The following ENPP2 variants were observed in gnomAD, a reference collection of about 807,000 sequenced individuals.
ENPP2 encodes ectonucleotide pyrophosphatase/phosphodiesterase 2.
In ENPP2, 51 loss-of-function variants were observed where a neutral mutation model predicts 120.2. The ratio of observed to expected loss-of-function variants is 0.42; its 90% CI spans 0.34 to 0.54. The LOEUF (loss-of-function observed/expected upper bound fraction) is 0.54. ENPP2 is among the 20% of genes least tolerant of loss of function. The pLI, the probability that ENPP2 is intolerant of heterozygous loss-of-function variation, is 0.04. For synonymous variants in ENPP2, 365 were observed against 366.4 expected (o/e 1.00, Z 0.04); for missense variants, 920 against 1,066.5 (o/e 0.86, Z 1.91).
intron 19 of ENPP2, among the ~76,000 whole-genome samples, chr8:119,577,514 G>A (rs991649181): frequency 2.6e-5 from 4 of 152,230 alleles, no homozygotes; most frequent in Non-Finnish European, 4.4e-5. Flanking sequence ...CAAAGCCCAA[G>A]AGACAGCGAT....
intron 14 of ENPP2, 22 bp downstream of exon 14, chr8:119,587,022 C>T (rs777430265): frequency 8.1e-6 from 13 of 1,606,190 alleles, no homozygotes; most frequent in South Asian, 2.2e-5. Context: ...AGGGCAGAGG[C>T]GGGACAACTG....
At chr8:119,647,779 T>C (rs953688946) in intron 1 of ENPP2, among the ~76,000 whole-genome samples, 1 of 151,816 alleles carries the variant, frequency 6.6e-6, no homozygotes, top group South Asian at 2.1e-4. Flanking sequence ...CAGAGGCGGG[T>C]GGATTACCTG....
intron 8 of ENPP2, among the ~76,000 whole-genome samples, chr8:119,612,562 G>A (rs927315133): frequency 6.6e-6 from 1 of 152,160 alleles, no homozygotes; most frequent in Admixed American, 6.5e-5. Flanking sequence ...CTGGCAGAGA[G>A]CAATTCTAGG....
intron 1 of ENPP2, among the ~76,000 whole-genome samples, chr8:119,663,710 AAC>A (rs763144076): frequency 1.7e-4 from 26 of 152,144 alleles, no homozygotes; most frequent in Non-Finnish European, 3.2e-4. Flanking sequence ...AAGCCACTGA[AAC>A]ACTCTGAGAC....
At chr8:119,667,508 C>T (rs953921117) in intron 1 of ENPP2, among the ~76,000 whole-genome samples, 5 of 152,170 alleles carry the variant, frequency 3.3e-5, no homozygotes, top group African/African-American at 1.2e-4. Flanking sequence ...GACATTGTGA[C>T]CTTCTAAATC....
intron 22 of ENPP2, 35 bp from the exon 23 acceptor site, chr8:119,564,990 C>A (rs1233512986): frequency 1.9e-6 from 3 of 1,600,122 alleles, no homozygotes; most frequent in Non-Finnish European, 1.7e-6. Flanking sequence ...ATCAATTATT[C>A]ATGAAGAAAA....
At chr8:119,635,328 T>G (rs1816935880) in intron 2 of ENPP2, among the ~76,000 whole-genome samples, 2 of 152,258 alleles carry the variant, frequency 1.3e-5, no homozygotes, top group Non-Finnish European at 2.9e-5. Flanking sequence ...ACTGAGCTTT[T>G]AAGTCTCTGT....
intron 1 of ENPP2, among the ~76,000 whole-genome samples, chr8:119,643,895 T>C (rs975144577): frequency 5.9e-5 from 9 of 151,912 alleles, no homozygotes; most frequent in African/African-American, 2.2e-4. Context: ...AGTAACCAGA[T>C]TAAGAAAGGA....
chr8:119,575,634 T>C (rs1400464157), intron 19 of ENPP2, among the ~76,000 whole-genome samples: 1 of 152,206 alleles, frequency 6.6e-6, no homozygotes, highest in African/African-American at 2.4e-5. Flanking sequence ...TAATCTCAGC[T>C]CTTTATAGTT....
intron 9 of ENPP2, among the ~76,000 whole-genome samples, chr8:119,605,466 A>ATTT (rs1276076880): frequency 1.2e-4 from 8 of 65,928 alleles, no homozygotes; most frequent in African/African-American, 3.8e-4. Flanking sequence ...GTGTGTGTGT[A>ATTT]TTTTTTTTTT....
intron 3 of ENPP2, among the ~76,000 whole-genome samples, chr8:119,625,266 C>T (rs1290325035): frequency 6.6e-6 from 1 of 152,174 alleles, no homozygotes; most frequent in Non-Finnish European, 1.5e-5. Flanking sequence ...TTACAATAGT[C>T]TCAGCAATTT....
intron 8 of ENPP2, among the ~76,000 whole-genome samples, chr8:119,609,068 C>T (rs1034837683): frequency 2.0e-5 from 3 of 152,148 alleles, no homozygotes; most frequent in Non-Finnish European, 4.4e-5. Flanking sequence ...GTAGCCAGCC[C>T]CTTTTCTGGT....
At chr8:119,590,995 TAAAA>T (rs58061193) in intron 12 of ENPP2, among the ~76,000 whole-genome samples, 3 of 109,962 alleles carry the variant, frequency 2.7e-5, no homozygotes, top group African/African-American at 1.1e-4. Flanking sequence ...ATCTATTCTT[TAAAA>T]AAAAAAAAAA....
chr8:119,673,359 G>T, exon 1 of ENPP2: 1 of 1,478,226 alleles, frequency 6.8e-7, no homozygotes, highest in Non-Finnish European at 9.1e-7. Context: ...CTGTGCTCGG[G>T]ACGGCTGCTG....
At chr8:119,662,736 T>C (rs978214001) in intron 1 of ENPP2, among the ~76,000 whole-genome samples, 6 of 152,174 alleles carry the variant, frequency 3.9e-5, no homozygotes, top group Non-Finnish European at 7.3e-5. Flanking sequence ...CTGCAGGCCA[T>C]AGTTAACCAA....
chr8:119,580,312 T>C (rs1812645736), intron 18 of ENPP2, 145 bp from the exon 19 acceptor site: 2 of 705,312 alleles, frequency 2.8e-6, no homozygotes, highest in Non-Finnish European at 5.1e-6. Flanking sequence ...TTCGAGGAAT[T>C]AACTGTTTTC....
At position 119,570,787 on chromosome 8, in the gene ENPP2, A is replaced by G. The variant is rs1814902900; in HGVS notation, c.1835T>C (p.Ile612Thr). 1 of 1,593,866 alleles carries G rather than the reference A, an allele frequency of 6.3e-7. No individual in the cohort carries two copies. The highest frequency in any genetic ancestry group is 1.3e-5 in the African/African-American group (1 of 74,150). ...PAVLYRTRYD[I>T]LYHTDFESGY... ...ACTTTCAAAGTCAGTGTGATATAAG[A>G]TATCATATCTAGTCCGATAAAGCAC... is the stretch of plus-strand genomic sequence containing the variant. The change falls in exon 20 of 25, where the codon ATC (isoleucine) becomes ACC (threonine). Residue 612 changes from isoleucine (I) to threonine (T), a missense_variant. Physicochemically the swap from Ile to Thr is moderately conservative, Grantham distance 89. Coordinates refer to ENST00000075322, the MANE Select transcript of ENPP2 (RefSeq NM_001040092.3).
chr8:119,593,939 G>T, intron 11 of ENPP2, 79 bp from the exon 12 acceptor site: 1 of 830,154 alleles, frequency 1.2e-6, no homozygotes, highest in Non-Finnish European at 2.1e-6. Context: ...TCTACCCCTA[G>T]AACATTTTGG....
chr8:119,663,288 T>TC (rs2130901470), intron 1 of ENPP2, among the ~76,000 whole-genome samples: 1 of 152,320 alleles, frequency 6.6e-6, no homozygotes. Context: ...TCTGAAGTCT[T>TC]ACTTAGGTAA....
Sources: allele counts gnomAD v4.1 joint callset (sites outside exome capture counted in the v4.1 genomes callset), GRCh38; gene constraint gnomAD v4.1.1; transcripts MANE v1.5; gene names NCBI Gene and HGNC (gene_info 2026-07-23, HGNC 2026-07-21).